The following ZNF521 variants were observed in gnomAD, a reference collection of about 807,000 sequenced individuals.
ZNF521 encodes the protein LYST-interacting protein 3.
Under a neutral mutation model 105.5 loss-of-function variants are expected in ZNF521, and 14 were observed. The ratio of observed to expected loss-of-function variants is 0.13; its 90% confidence interval spans 0.09 to 0.21. The LOEUF is 0.21. Ranked by LOEUF, ZNF521 falls within the 10% of genes least tolerant of loss-of-function variation. The pLI, the probability that ZNF521 is intolerant of heterozygous loss-of-function variation, is 1.00. For missense variants in ZNF521, 1,233 were observed against 1,629.7 expected, an observed-to-expected ratio of 0.76 and a Z score of 4.19; for synonymous variants, 635 against 606.0, an observed-to-expected ratio of 1.05 and a Z score of -0.70.
intron 3 of ZNF521, among the ~76,000 whole-genome samples, chr18:25,308,943 A>G (rs1023826609): frequency 3.9e-5 from 6 of 152,164 alleles, no homozygotes; most frequent in Non-Finnish European, 7.3e-5. Flanking sequence ...TATATTATTA[A>G]GTACTTGTCA....
chr18:25,080,601 C>G (rs1309010925), intron 7 of ZNF521, among the ~76,000 whole-genome samples: 1 of 152,244 alleles, frequency 6.6e-6, no homozygotes, highest in African/African-American at 2.4e-5. Flanking sequence ...ACAGCAGCAG[C>G]TCATTTCACC....
rs1324743919 is a variant in ZNF521, at chr18:25,227,148, A to G, written c.770T>C (p.Phe257Ser). Residue 257 changes from phenylalanine (F) to serine (S), a missense_variant, in exon 4 of 8, where the codon TTC (phenylalanine) becomes TCC (serine). By Grantham distance (155) the Phe-to-Ser change is radical. Transcript: ENST00000361524. The surrounding 1 kb of genome is among the most constrained non-coding windows in gnomAD (Gnocchi z 5.7). ...AATGTGTTTTTGGAGGTCTTCCGGG[A>G]AGTCAAAGCCTTCCTCACACTGACT... ...KCSQCEEGFD[F>S]PEDLQKHIAE... 1 of 1,614,074 alleles carries G rather than the reference A, an allele frequency of 6.2e-7. No homozygotes were observed. The highest frequency in any genetic ancestry group is 1.1e-5 in the South Asian group (1 of 91,064).
At chr18:25,336,728 G>C (rs1273769722) in intron 2 of ZNF521, among the ~76,000 whole-genome samples, 1 of 152,200 alleles carries the variant, frequency 6.6e-6, no homozygotes, top group African/African-American at 2.4e-5. Flanking sequence ...ACAGGCTTCA[G>C]AAAGGGCTAT....
chr18:25,130,131 GC>G (rs2034613393), intron 5 of ZNF521, among the ~76,000 whole-genome samples: 1 of 152,104 alleles, frequency 6.6e-6, no homozygotes, highest in Non-Finnish European at 1.5e-5. Context: ...AGTGTGGTAT[GC>G]CAATTTAATG....
chr18:25,320,265 C>T (rs1340551719), intron 3 of ZNF521, among the ~76,000 whole-genome samples: 1 of 152,068 alleles, frequency 6.6e-6, no homozygotes. Context: ...CTCTGCCTCC[C>T]GGGTTCAAGC....
chr18:25,195,562 AC>A lies in ZNF521; in HGVS notation c.3574-319del, dbSNP rs944545768. ...TATTACAGAAATACAGTTTAAAAAA[AC>A]ATGCGTATTAAAAAAAAATCTACAG... is the stretch of plus-strand genomic sequence containing the variant. On this transcript the variant is annotated intron_variant, in intron 4 of 7. Transcript: ENST00000361524. 7.5e-4 allele frequency among the ~76,000 whole-genome samples: 94 copies of A among 125,258 alleles called. 1 individual carries two copies. The highest frequency in any genetic ancestry group is 2.4e-3 in the African/African-American group (89 of 36,756). The allele number at this position is 125,258 out of a possible 152,430, so 82.2% of individuals were successfully genotyped here.
chr18:25,212,809 CTATCA>C (rs2036216304), intron 4 of ZNF521, among the ~76,000 whole-genome samples: 1 of 150,426 alleles, frequency 6.6e-6, no homozygotes, highest in South Asian at 2.1e-4. Flanking sequence ...TTTTTTCTCC[CTATCA>C]TAAGTAGGAT....
At chr18:25,263,624 G>T (rs1480683408) in intron 3 of ZNF521, among the ~76,000 whole-genome samples, 2 of 152,148 alleles carry the variant, frequency 1.3e-5, no homozygotes, top group Non-Finnish European at 2.9e-5. Context: ...CGCCCAGGCT[G>T]GAGCACAATG....
At chr18:25,230,250 A>G (rs528191160) in intron 3 of ZNF521, among the ~76,000 whole-genome samples, 1 of 152,380 alleles carries the variant, frequency 6.6e-6, no homozygotes, top group Non-Finnish European at 1.5e-5. Context: ...TGAGCAAGGA[A>G]TAATACTTAT....
chr18:25,182,016 G>A (rs770911112), intron 5 of ZNF521, among the ~76,000 whole-genome samples: 2 of 152,128 alleles, frequency 1.3e-5, no homozygotes, highest in Non-Finnish European at 2.9e-5. Context: ...TCTACATAAT[G>A]AGATACAGTT....
chr18:25,258,565 C>T (rs1908679310), intron 3 of ZNF521, among the ~76,000 whole-genome samples: 1 of 152,158 alleles, frequency 6.6e-6, no homozygotes, highest in Non-Finnish European at 1.5e-5. Flanking sequence ...GTGTCGGAAG[C>T]TGAGATGCTG....
At chr18:25,318,309 CT>C (rs1321509766) in intron 3 of ZNF521, among the ~76,000 whole-genome samples, 1 of 152,076 alleles carries the variant, frequency 6.6e-6, no homozygotes, top group African/African-American at 2.4e-5. Context: ...CTGGTTACTT[CT>C]AGTGGAGCAT....
intron 5 of ZNF521, among the ~76,000 whole-genome samples, chr18:25,125,042 T>C (rs2034513265): frequency 1.3e-5 from 2 of 152,290 alleles, no homozygotes; most frequent in African/African-American, 2.4e-5. Context: ...AATTAGTTGA[T>C]ATTATGTGTC....
At chr18:25,127,241 C>A (rs1163171623) in intron 5 of ZNF521, among the ~76,000 whole-genome samples, 5 of 151,892 alleles carry the variant, frequency 3.3e-5, no homozygotes, top group African/African-American at 1.2e-4. Flanking sequence ...AGGTCCTGAA[C>A]TTTAAAATAG....
At chr18:25,254,441 T>C (rs1004385838) in intron 3 of ZNF521, among the ~76,000 whole-genome samples, 43 of 152,162 alleles carry the variant, frequency 2.8e-4, no homozygotes, top group African/African-American at 9.6e-4. Context: ...TCTATAATTT[T>C]GATTTTAAAT....
At chr18:25,206,262 C>T (rs1394137887) in intron 4 of ZNF521, among the ~76,000 whole-genome samples, 1 of 152,092 alleles carries the variant, frequency 6.6e-6, no homozygotes, top group Non-Finnish European at 1.5e-5. Flanking sequence ...CCCACTTTGG[C>T]CTCTCAAAGT....
At chr18:25,153,610 A>T (rs2035087746) in intron 5 of ZNF521, among the ~76,000 whole-genome samples, 1 of 152,244 alleles carries the variant, frequency 6.6e-6, no homozygotes, top group Non-Finnish European at 1.5e-5. Flanking sequence ...AGCATCTGGG[A>T]AACTGCACTG....
At chr18:25,350,886 G>C (rs779291631) in intron 2 of ZNF521, 21 bp downstream of exon 2, 3 of 1,547,560 alleles carry the variant, frequency 1.9e-6, no homozygotes, top group African/African-American at 2.8e-5. Context: ...GGAAAGCGGG[G>C]AGCAGGGGGT....
At chr18:25,195,669 C>T (rs1412841803) in intron 4 of ZNF521, among the ~76,000 whole-genome samples, 1 of 151,572 alleles carries the variant, frequency 6.6e-6, no homozygotes, top group African/African-American at 2.4e-5. Flanking sequence ...TCTAGATATC[C>T]ATAAGTAATA....
Sources: allele counts gnomAD v4.1 joint callset (sites outside exome capture counted in the v4.1 genomes callset), GRCh38; gene constraint gnomAD v4.1.1; non-coding constraint Gnocchi (gnomAD v3.1); transcripts MANE v1.5; gene names NCBI Gene and HGNC (gene_info 2026-07-23, HGNC 2026-07-21).